Variants in STX8 observed in about 807,000 individuals in gnomAD.
The protein encoded by STX8 is syntaxin-8.
In STX8, 23 loss-of-function variants were observed where a neutral mutation model predicts 37.5. The observed-to-expected ratio is 0.61, with a 90% CI of 0.44 to 0.87. The LOEUF (loss-of-function observed/expected upper bound fraction) is 0.87. STX8 is among the 40% of genes least tolerant of loss of function. STX8 has a pLI of 0.00. For missense variants in STX8, 313 were observed against 284.7 expected (o/e 1.10, Z -0.71); for synonymous variants, 115 against 99.1 (o/e 1.16, Z -0.95).
Position 9,551,701 on chromosome 17 carries a change from T to C in STX8, c.212+5733A>G, listed in dbSNP as rs1289582695. 2.0e-4 allele frequency among the ~76,000 whole-genome samples: 30 copies of C among 152,264 alleles called. 1 individual carries two copies. On this transcript the variant is annotated intron_variant, in intron 3 of 7. Transcript: ENST00000306357. Reference sequence around the variant, plus strand: ...CAACTTGTACAATAACCTGGCAAAGTATGATTATTCCTACATTACAGATAA... The same window carrying C: ...CAACTTGTACAATAACCTGGCAAAGCATGATTATTCCTACATTACAGATAA...
At chr17:9,471,770 G>A (rs1269555972) in intron 6 of STX8, among the ~76,000 whole-genome samples, 1 of 152,088 alleles carries the variant, frequency 6.6e-6, no homozygotes, top group Non-Finnish European at 1.5e-5. Flanking sequence ...TGCACCCTGT[G>A]GGATTCCACT....
At chr17:9,523,610 T>C (rs1306370316) in intron 4 of STX8, among the ~76,000 whole-genome samples, 1 of 152,214 alleles carries the variant, frequency 6.6e-6, no homozygotes, top group Non-Finnish European at 1.5e-5. Flanking sequence ...ACATTTGCTT[T>C]AGGCATTCGG....
intron 6 of STX8, among the ~76,000 whole-genome samples, chr17:9,392,586 GAC>G (rs1157653075): frequency 1.3e-5 from 2 of 152,108 alleles, no homozygotes; most frequent in Non-Finnish European, 2.9e-5. Context: ...CAGCCTGGAT[GAC>G]AGAGTGAGAC....
chr17:9,452,025 T>C (rs1905057429), intron 6 of STX8, among the ~76,000 whole-genome samples: 1 of 152,264 alleles, frequency 6.6e-6, no homozygotes, highest in Non-Finnish European at 1.5e-5. Context: ...TGAATTGTCC[T>C]ACTGGAGTCA....
chr17:9,356,960 GTTTTTTTTTTTT>G (rs140965935), intron 7 of STX8, among the ~76,000 whole-genome samples: 3 of 61,752 alleles, frequency 4.9e-5, no homozygotes, highest in Non-Finnish European at 2.9e-5. Context: ...CCTTTTAACA[GTTTTTTTTTTTT>G]TTTTTTTTTT....
At chr17:9,550,240 A>T (rs1906711980) in intron 3 of STX8, among the ~76,000 whole-genome samples, 2 of 149,368 alleles carry the variant, frequency 1.3e-5, no homozygotes, top group African/African-American at 4.9e-5. Flanking sequence ...AAAAAAAAGT[A>T]GTACAGCACA....
At chr17:9,422,438 T>G (rs1913472633) in intron 6 of STX8, among the ~76,000 whole-genome samples, 1 of 152,182 alleles carries the variant, frequency 6.6e-6, no homozygotes, top group African/African-American at 2.4e-5. Flanking sequence ...TTACAGCATG[T>G]GAGAACGGAC....
chr17:9,438,703 T>C lies in STX8; in HGVS notation c.541+53126A>G, dbSNP rs1216920027. On this transcript the variant is annotated intron_variant, in intron 6 of 7. Transcript: ENST00000306357. ...CAGCACTTTGGGAGGCCGAGGCAGG[T>C]GGATCACAAGGTCAGGAGATCGAGA... is the stretch of plus-strand genomic sequence containing the variant. Among the ~76,000 whole-genome samples, 116 of 151,866 alleles carry C rather than the reference T, an allele frequency of 7.6e-4. 3 individuals are homozygous for C. The highest frequency in any genetic ancestry group is 2.6e-3 in the African/African-American group (108 of 41,356).
intron 2 of STX8, among the ~76,000 whole-genome samples, chr17:9,567,401 C>T (rs952753904): frequency 5.9e-5 from 9 of 152,108 alleles, no homozygotes; most frequent in South Asian, 2.1e-4. Flanking sequence ...CAGTGTTTGT[C>T]GTGGTACCTT....
At chr17:9,492,486 T>C (rs1357659835) in intron 5 of STX8, among the ~76,000 whole-genome samples, 1 of 152,242 alleles carries the variant, frequency 6.6e-6, no homozygotes, top group Admixed American at 6.5e-5. Flanking sequence ...GTGTAGACTG[T>C]GCCCACCTTT....
chr17:9,349,815 G>A (rs1910649285), intron 7 of STX8, among the ~76,000 whole-genome samples: 1 of 151,444 alleles, frequency 6.6e-6, no homozygotes, highest in Admixed American at 6.6e-5. Context: ...TGAAATAAAT[G>A]CCTACGGGAT....
At chr17:9,433,236 T>C (rs983387749) in intron 6 of STX8, among the ~76,000 whole-genome samples, 1 of 152,240 alleles carries the variant, frequency 6.6e-6, no homozygotes, top group Non-Finnish European at 1.5e-5. Context: ...CCAGTGTGGG[T>C]TCAAATCACG....
At chr17:9,343,749 C>G (rs1374734175) in intron 7 of STX8, among the ~76,000 whole-genome samples, 2 of 152,176 alleles carry the variant, frequency 1.3e-5, no homozygotes, top group Non-Finnish European at 2.9e-5. Flanking sequence ...ACCCCACCCC[C>G]TCCTCCTGCT....
intron 6 of STX8, among the ~76,000 whole-genome samples, chr17:9,443,647 C>T (rs1904740078): frequency 6.6e-6 from 1 of 152,184 alleles, no homozygotes. Context: ...AAGGTAATTT[C>T]CAACCCTCCT....
chr17:9,500,466 G>A (rs542447054), intron 5 of STX8, among the ~76,000 whole-genome samples: 4 of 152,204 alleles, frequency 2.6e-5, no homozygotes, highest in South Asian at 2.1e-4. Context: ...CATTTTCCTC[G>A]AGTTGAGAAA....
intron 6 of STX8, among the ~76,000 whole-genome samples, chr17:9,402,951 G>A (rs546104689): frequency 2.6e-4 from 40 of 152,306 alleles, no homozygotes; most frequent in African/African-American, 8.9e-4. Flanking sequence ...ACAACGAGCA[G>A]AGCTTCACGA....
At chr17:9,486,711 T>G (rs931085987) in intron 6 of STX8, among the ~76,000 whole-genome samples, 6 of 151,850 alleles carry the variant, frequency 4.0e-5, no homozygotes, top group African/African-American at 1.5e-4. Context: ...AAGTTAAAAT[T>G]AGCCAGGTGC....
chr17:9,312,600 T>C (rs1188666149), intron 7 of STX8, among the ~76,000 whole-genome samples: 1 of 152,200 alleles, frequency 6.6e-6, no homozygotes, highest in African/African-American at 2.4e-5. Flanking sequence ...GAATACTCAC[T>C]GAGTTGAGGC....
At chr17:9,404,263 G>C (rs1386277155) in intron 6 of STX8, among the ~76,000 whole-genome samples, 2 of 152,028 alleles carry the variant, frequency 1.3e-5, no homozygotes, top group Non-Finnish European at 2.9e-5. Flanking sequence ...AGGAAGTGAA[G>C]AAGGTAGAAG....
Sources: gnomAD v4.1 joint callset for allele counts (sites outside exome capture counted in the v4.1 genomes callset) on GRCh38, gnomAD v4.1.1 for gene constraint, MANE v1.5 for transcripts, NCBI Gene and HGNC (gene_info 2026-07-23, HGNC 2026-07-21) for gene names.